FAM13A: variants seen among roughly 807,000 people sequenced by gnomAD.
FAM13A encodes the protein protein FAM13A.
A neutral mutation model predicts 129.6 loss-of-function variants in FAM13A; 76 were observed. The observed-to-expected ratio is 0.59, with a 90% CI of 0.49 to 0.71. The LOEUF (loss-of-function observed/expected upper bound fraction) is 0.71. Among genes scored for constraint, FAM13A ranks in the 30% least tolerant of loss-of-function variants. The pLI is 0.00. For missense variants in FAM13A, 1,108 were observed against 1,249.3 expected, an observed-to-expected ratio of 0.89 and a Z score of 1.70; for synonymous variants, 443 against 449.9, an observed-to-expected ratio of 0.98 and a Z score of 0.20.
intron 3 of FAM13A, among the ~76,000 whole-genome samples, chr4:88,994,445 A>C (rs1172599446): frequency 1.1e-4 from 16 of 152,200 alleles, no homozygotes; most frequent in Non-Finnish European, 4.4e-5. Flanking sequence ...ACACCTTCAG[A>C]GGAGGCTTGT....
At chr4:88,941,766 T>C (rs969961998) in intron 4 of FAM13A, among the ~76,000 whole-genome samples, 3 of 152,206 alleles carry the variant, frequency 2.0e-5, no homozygotes, top group African/African-American at 4.8e-5. Context: ...TCTTTTGTAA[T>C]TGAGTACTCT....
chr4:88,882,872 A>G lies in FAM13A; in HGVS notation c.843+23507T>C, dbSNP rs548480263. 8.9e-4 allele frequency among the ~76,000 whole-genome samples: 136 copies of G among 152,288 alleles called. 1 individual carries two copies. Among genetic ancestry groups the G allele is most frequent in the African/African-American group, 2.4e-3 (99 of 41,572 alleles). ...AACAAGCAGGAGTAGCTATTCTTAT[A>G]TCAGACAAAACAAACTTTAAAGCAA... On this transcript the variant is annotated intron_variant, in intron 6 of 23. Transcript: ENST00000264344.
At chr4:88,736,943 C>T (rs1739106204) in intron 21 of FAM13A, among the ~76,000 whole-genome samples, 1 of 152,184 alleles carries the variant, frequency 6.6e-6, no homozygotes. Context: ...GCCGGAAATA[C>T]TGCACCCACA....
intron 1 of FAM13A, among the ~76,000 whole-genome samples, chr4:89,051,015 T>G (rs933066503): frequency 6.6e-6 from 1 of 152,128 alleles, no homozygotes; most frequent in East Asian, 1.9e-4. Context: ...CTAAGAAAAT[T>G]TGATTCTACT....
intron 6 of FAM13A, among the ~76,000 whole-genome samples, chr4:88,881,066 T>C (rs966871032): frequency 2.0e-5 from 3 of 152,138 alleles, no homozygotes; most frequent in Admixed American, 6.5e-5. Context: ...ACAATGGACA[T>C]AATTTCTTGG....
At chr4:88,930,263 CAT>C (rs1165366667) in intron 5 of FAM13A, among the ~76,000 whole-genome samples, 1 of 152,052 alleles carries the variant, frequency 6.6e-6, no homozygotes, top group African/African-American at 2.4e-5. Flanking sequence ...CATGCTTTTT[CAT>C]GTTTTTTATG....
At position 88,801,261 on chromosome 4, in the gene FAM13A, T is replaced by C. The variant is rs73842228; in HGVS notation, c.1049+3750A>G. Among the ~76,000 whole-genome samples, 92 of 152,344 alleles carry C rather than the reference T, an allele frequency of 6.0e-4. 1 individual carries two copies. The highest frequency in any genetic ancestry group is 2.1e-3 in the African/African-American group (88 of 41,584). On this transcript the variant is annotated intron_variant, in intron 8 of 23. Transcript: ENST00000264344. ...TTTCTTTAACATAAATGTACAGTTATGAGACTGAGAAAATCGATAGTTCCC... is the reference window on the plus strand; with the variant it reads ...TTTCTTTAACATAAATGTACAGTTACGAGACTGAGAAAATCGATAGTTCCC...
At chr4:88,968,685 C>CT (rs527567191) in intron 4 of FAM13A, among the ~76,000 whole-genome samples, 1,854 of 151,274 alleles carry the variant, frequency 0.012, 56 homozygotes, top group African/African-American at 0.043. Context: ...CACTTTCTTC[C>CT]TTTTTTTTTA....
chr4:88,815,188 C>T (rs1383591718), intron 7 of FAM13A, among the ~76,000 whole-genome samples: 4 of 152,014 alleles, frequency 2.6e-5, no homozygotes, highest in African/African-American at 7.2e-5. Context: ...ACCATGTTTT[C>T]CTGAGCTTGG....
chr4:88,859,953 C>T (rs1055150502), intron 6 of FAM13A, among the ~76,000 whole-genome samples: 1 of 152,128 alleles, frequency 6.6e-6, no homozygotes, highest in African/African-American at 2.4e-5. Flanking sequence ...AATGAATATT[C>T]AAAATACTAT....
chr4:88,983,190 T>C (rs1016541868), intron 4 of FAM13A, among the ~76,000 whole-genome samples: 5 of 152,170 alleles, frequency 3.3e-5, no homozygotes, highest in African/African-American at 1.2e-4. Flanking sequence ...CTTGAAAACT[T>C]AGTCTCAGAG....
chr4:88,959,783 TA>T (rs1222780506), intron 4 of FAM13A, among the ~76,000 whole-genome samples: 1 of 152,226 alleles, frequency 6.6e-6, no homozygotes, highest in Non-Finnish European at 1.5e-5. Flanking sequence ...TTATCCATGT[TA>T]AGTAACATAT....
intron 8 of FAM13A, among the ~76,000 whole-genome samples, chr4:88,798,806 C>G (rs77326635): frequency 2.0e-4 from 30 of 151,988 alleles, no homozygotes; most frequent in Non-Finnish European, 3.7e-4. Context: ...TAGAGGCTTA[C>G]GTTTTATTAA....
At chr4:88,840,405 T>C (rs138873606) in intron 7 of FAM13A, among the ~76,000 whole-genome samples, 3 of 152,292 alleles carry the variant, frequency 2.0e-5, no homozygotes, top group Admixed American at 2.0e-4. Context: ...TACAAAAATG[T>C]TGAGAGTTAT....
intron 3 of FAM13A, among the ~76,000 whole-genome samples, chr4:89,003,329 G>C (rs997315522): frequency 6.6e-6 from 1 of 152,004 alleles, no homozygotes; most frequent in Non-Finnish European, 1.5e-5. Flanking sequence ...TATGTAAGTG[G>C]GCTGGGCATG....
intron 3 of FAM13A, among the ~76,000 whole-genome samples, chr4:88,996,412 C>T (rs4693981): frequency 0.31 from 46,582 of 152,022 alleles, 7,200 homozygotes; most frequent in East Asian, 0.39. Flanking sequence ...CTGATGCTGA[C>T]GGGATGGTTA....
At chr4:88,829,785 A>T (rs1188437952) in intron 7 of FAM13A, among the ~76,000 whole-genome samples, 2 of 152,196 alleles carry the variant, frequency 1.3e-5, no homozygotes, top group Admixed American at 1.3e-4. Flanking sequence ...TTGTGAATTT[A>T]TGCTGAGCTC....
At chr4:88,894,129 T>A (rs1326827460) in intron 6 of FAM13A, among the ~76,000 whole-genome samples, 1 of 152,232 alleles carries the variant, frequency 6.6e-6, no homozygotes, top group Non-Finnish European at 1.5e-5. Context: ...GATGTTAGCA[T>A]GTAAATTGAT....
At chr4:88,836,750 G>A (rs1350922218) in intron 7 of FAM13A, among the ~76,000 whole-genome samples, 4 of 151,966 alleles carry the variant, frequency 2.6e-5, no homozygotes, top group Admixed American at 2.0e-4. Context: ...ACCTGAGGTC[G>A]GGAGTTTGAG....
Sources: gnomAD v4.1 joint callset for allele counts (sites outside exome capture counted in the v4.1 genomes callset) on GRCh38, gnomAD v4.1.1 for gene constraint, MANE v1.5 for transcripts, NCBI Gene and HGNC (gene_info 2026-07-23, HGNC 2026-07-21) for gene names.